The following UBXN8 variants were observed in gnomAD, a reference collection of about 807,000 sequenced individuals.
UBXN8 encodes UBX domain protein 8, also known as UBX domain-containing protein 8.
A neutral mutation model predicts 32.1 loss-of-function variants in UBXN8; 27 were observed. The observed-to-expected ratio is 0.84, with a 90% CI of 0.62 to 1.16. UBXN8 has a LOEUF of 1.16. Ranked by LOEUF, UBXN8 falls within the 50% of genes most tolerant of loss-of-function variation. The pLI is 0.00. For synonymous variants in UBXN8, 109 were observed against 111.8 expected (o/e 0.98, Z 0.16); for missense variants, 306 against 311.4 (o/e 0.98, Z 0.13).
chr8:30,739,828 A>G (rs771787214), upstream of UBXN8, among the ~76,000 whole-genome samples: 11 of 152,258 alleles, frequency 7.2e-5, no homozygotes, highest in Non-Finnish European at 1.3e-4. Context: ...TGTATAATTT[A>G]CAGAAGTCCT....
chr8:30,748,787 C>G (rs777942276), intron 1 of UBXN8, among the ~76,000 whole-genome samples: 4 of 152,114 alleles, frequency 2.6e-5, no homozygotes, highest in African/African-American at 9.7e-5. Flanking sequence ...GTGATCCACC[C>G]GCCTTGGCCT....
intron 1 of UBXN8, among the ~76,000 whole-genome samples, chr8:30,747,446 G>A (rs1282742050): frequency 2.2e-5 from 3 of 138,216 alleles, no homozygotes; most frequent in African/African-American, 8.5e-5. Context: ...AACTAGCTGG[G>A]ATTACTGGTG....
intron 3 of UBXN8, among the ~76,000 whole-genome samples, chr8:30,753,785 T>TC (rs1805575543): frequency 6.6e-6 from 1 of 150,538 alleles, no homozygotes; most frequent in African/African-American, 2.4e-5. Flanking sequence ...TTTTTTTTTT[T>TC]TTTTTGAGAC....
chr8:30,744,145 C>T (rs1268144790), upstream of UBXN8: 1 of 1,585,198 alleles, frequency 6.3e-7, no homozygotes, highest in Non-Finnish European at 8.6e-7. Flanking sequence ...GAAAACGCGG[C>T]CGGAAGGGGC....
Position 30,766,568 on chromosome 8 carries a change from A to T in UBXN8, c.*174A>T, listed in dbSNP as rs1242485863. The T allele has an allele frequency of 1.7e-6, 1 of 595,998 alleles. No homozygotes were observed. The highest frequency in any genetic ancestry group is 3.6e-5 in the East Asian group (1 of 28,066). 36.9% of individuals were successfully genotyped at this position (595,998 alleles called of 1,614,324 possible). ...AAAAGGATTGCTTTCTATATATAAT[A>T]ATCTGTGGACTGTGCCATTTTACAG... On this transcript the variant is annotated 3_prime_UTR_variant, in exon 8 of 8. Coordinates refer to ENST00000265616, the MANE Select transcript of UBXN8 (RefSeq NM_005671.4).
chr8:30,729,849 T>C (rs2128751208), upstream of UBXN8, among the ~76,000 whole-genome samples: 1 of 152,266 alleles, frequency 6.6e-6, no homozygotes, highest in Middle Eastern at 3.4e-3. Context: ...GTCAGGACAC[T>C]CAGACCAGTT....
intron 5 of UBXN8, 58 bp downstream of exon 5, chr8:30,756,945 T>C (rs557931909): frequency 6.2e-7 from 1 of 1,602,596 alleles, no homozygotes; most frequent in Non-Finnish European, 8.5e-7. Flanking sequence ...AGTATTGAAC[T>C]CTGGGTGAGG....
intron 7 of UBXN8, 89 bp downstream of exon 7, chr8:30,763,436 C>T (rs774400196): frequency 3.6e-5 from 46 of 1,262,912 alleles, no homozygotes; most frequent in Admixed American, 2.2e-4. Flanking sequence ...TGTGATCACA[C>T]TGTCATCTGC....
intron 7 of UBXN8, among the ~76,000 whole-genome samples, chr8:30,765,974 C>T (rs1805992735): frequency 6.8e-6 from 1 of 147,324 alleles, no homozygotes; most frequent in African/African-American, 2.5e-5. Flanking sequence ...CATGCCATCG[C>T]ACTCCAGCCT....
At chr8:30,754,193 C>A (rs989083447) in intron 3 of UBXN8, 1 of 230,246 alleles carries the variant, frequency 4.3e-6, no homozygotes, top group Non-Finnish European at 8.7e-6. Flanking sequence ...TGAGTGGAGA[C>A]TGCACCACTG....
intron 1 of UBXN8, among the ~76,000 whole-genome samples, chr8:30,736,567 G>A (rs892951565): frequency 4.6e-5 from 7 of 152,072 alleles, no homozygotes; most frequent in African/African-American, 1.7e-4. Context: ...TTGCCTCCTG[G>A]GTTCAAGCGA....
At chr8:30,737,284 A>G (rs1805087019) in intron 1 of UBXN8, among the ~76,000 whole-genome samples, 2 of 151,920 alleles carry the variant, frequency 1.3e-5, no homozygotes, top group South Asian at 4.1e-4. Flanking sequence ...GTCTGTTGGG[A>G]AATCACTCTT....
chr8:30,753,120 T>G lies in UBXN8; in HGVS notation c.282+15T>G, dbSNP rs777930601. Reference sequence around the variant, plus strand: ...AAGGAGAGAAGGTAAGGCAGAATTTTTAGAGACTTTATGCGTAGAGAAATA... The same window carrying G: ...AAGGAGAGAAGGTAAGGCAGAATTTGTAGAGACTTTATGCGTAGAGAAATA... On this transcript the variant is annotated intron_variant, in intron 3 of 7. Transcript: ENST00000265616. 6.7e-7 allele frequency: 1 copy of G among 1,502,430 alleles called. No homozygotes were observed. Among genetic ancestry groups the G allele is most frequent in the Admixed American group, 2.5e-5 (1 of 39,638 alleles). The allele number at this position is 1,502,430 out of a possible 1,614,324, so 93.1% of individuals were successfully genotyped here. A position where few individuals can be genotyped will look rare whatever the true frequency, so the allele number is the denominator to read the frequency against.
intron 7 of UBXN8, among the ~76,000 whole-genome samples, chr8:30,765,172 C>T (rs557344653): frequency 6.6e-6 from 1 of 152,112 alleles, no homozygotes; most frequent in Non-Finnish European, 1.5e-5. Flanking sequence ...CTCATCCTTC[C>T]AAAGTGCTGG....
In UBXN8 at chr8:30,760,917, A is replaced by T; in HGVS notation, c.558A>T (p.Gln186His). The T allele has an allele frequency of 6.5e-7, 1 of 1,537,904 alleles. No homozygotes were observed. The highest frequency in any genetic ancestry group is 8.8e-7 in the Non-Finnish European group (1 of 1,140,332). ...CTGATTTACCTGAAGAACCTTCTCA[A>T]ACAGCAGAAGAAGTAAGTCTATTTT... The part of the protein sequence containing the change: ...EIPDLPEEPS[Q>H]TAEEVVTVAL... The change falls in exon 6 of 8, where the codon CAA (glutamine) becomes CAT (histidine). Residue 186 changes from glutamine to histidine, a missense_variant. Gln to His is a conservative substitution (Grantham distance 24). Coordinates refer to ENST00000265616, the MANE Select transcript of UBXN8 (RefSeq NM_005671.4).
chr8:30,760,264 T>A (rs1418088544), intron 5 of UBXN8, among the ~76,000 whole-genome samples: 1 of 149,610 alleles, frequency 6.7e-6, no homozygotes, highest in Non-Finnish European at 1.5e-5. Context: ...TTTCACCATG[T>A]GAGCCACGCT....
At chr8:30,751,296 G>C (rs528928782) in intron 1 of UBXN8, 100 bp from the exon 2 acceptor site, 81 of 990,088 alleles carry the variant, frequency 8.2e-5, no homozygotes, top group Non-Finnish European at 1.0e-4. Context: ...GGAGGATCAC[G>C]TGAGCTCAGG....
intron 1 of UBXN8, among the ~76,000 whole-genome samples, chr8:30,744,693 TC>T (rs2128752947): frequency 1.3e-5 from 2 of 152,340 alleles, no homozygotes; most frequent in East Asian, 3.9e-4. Flanking sequence ...TGCCTCGGCC[TC>T]TCAAAGTGCT....
At chr8:30,752,518 T>C (rs1805543658) in intron 2 of UBXN8, among the ~76,000 whole-genome samples, 2 of 152,146 alleles carry the variant, frequency 1.3e-5, no homozygotes, top group Non-Finnish European at 2.9e-5. Flanking sequence ...GATTTCGCCA[T>C]GTTGCCCAGG....
Sources: gnomAD v4.1 joint callset for allele counts (sites outside exome capture counted in the v4.1 genomes callset) on GRCh38, gnomAD v4.1.1 for gene constraint, MANE v1.5 for transcripts, NCBI Gene and HGNC (gene_info 2026-07-23, HGNC 2026-07-21) for gene names.